The following KAZN variants were observed in gnomAD, a reference collection of about 807,000 sequenced individuals.
KAZN encodes kazrin.
A neutral mutation model predicts 87.4 loss-of-function variants in KAZN; 40 were observed. The observed-to-expected ratio is 0.46, with a 90% CI of 0.36 to 0.60. The LOEUF (loss-of-function observed/expected upper bound fraction) is 0.60. Ranked by LOEUF, KAZN falls within the 20% of genes least tolerant of loss-of-function variation. KAZN has a pLI of 0.00. For synonymous variants in KAZN, 466 were observed against 458.3 expected, an observed-to-expected ratio of 1.02 and a Z score of -0.22; for missense variants, 898 against 1,073.9, an observed-to-expected ratio of 0.84 and a Z score of 2.29.
intron 1 of KAZN, among the ~76,000 whole-genome samples, chr1:14,824,922 G>GTTCCCCCA (rs1646840608): frequency 6.6e-6 from 1 of 152,206 alleles, no homozygotes; most frequent in African/African-American, 2.4e-5. Flanking sequence ...GGCCTCTTGG[G>GTTCCCCCA]GGAAGACTCT....
At chr1:14,061,846 G>A (rs1467214746) in intron 1 of KAZN, among the ~76,000 whole-genome samples, 1 of 152,000 alleles carries the variant, frequency 6.6e-6, no homozygotes, top group African/African-American at 2.4e-5. Flanking sequence ...TGAGAGTTGC[G>A]GACACAAAAA....
intron 2 of KAZN, among the ~76,000 whole-genome samples, chr1:14,292,199 T>C (rs959969996): frequency 6.6e-6 from 1 of 152,246 alleles, no homozygotes; most frequent in Non-Finnish European, 1.5e-5. Flanking sequence ...TGCTCTGTGC[T>C]GTCATGTCAC....
At chr1:14,319,502 A>AG (rs143353121) in intron 2 of KAZN, among the ~76,000 whole-genome samples, 3,710 of 152,210 alleles carry the variant, frequency 0.024, 158 homozygotes, top group African/African-American at 0.085. Flanking sequence ...AAGTAGAGGG[A>AG]GGGGGGCTCT....
At chr1:14,214,865 G>C (rs1055373505) in intron 2 of KAZN, among the ~76,000 whole-genome samples, 2 of 152,232 alleles carry the variant, frequency 1.3e-5, no homozygotes, top group African/African-American at 4.8e-5. Context: ...AAGGAATGCA[G>C]AGTAGAAGAC....
At chr1:14,074,183 C>T (rs1431678368) in intron 1 of KAZN, among the ~76,000 whole-genome samples, 14 of 152,156 alleles carry the variant, frequency 9.2e-5, no homozygotes, top group Non-Finnish European at 1.9e-4. Context: ...CCCCCTACCT[C>T]ACAAATGCAC....
At chr1:14,541,214 C>T (rs1672790146) in intron 2 of KAZN, among the ~76,000 whole-genome samples, 1 of 152,170 alleles carries the variant, frequency 6.6e-6, no homozygotes, top group South Asian at 2.1e-4. Context: ...GCTTCAACTT[C>T]CCCCAAGGAC....
At chr1:14,389,435 A>T (rs1662231145) in intron 2 of KAZN, among the ~76,000 whole-genome samples, 1 of 152,120 alleles carries the variant, frequency 6.6e-6, no homozygotes, top group African/African-American at 2.4e-5. Flanking sequence ...CACAATAGTC[A>T]AGGTTTGGAG....
intron 10 of KAZN, among the ~76,000 whole-genome samples, chr1:15,100,289 T>C (rs1300779468): frequency 6.6e-6 from 1 of 152,066 alleles, no homozygotes; most frequent in Non-Finnish European, 1.5e-5. Flanking sequence ...TATCCGGGCA[T>C]GAAGGCAGGA....
Position 14,025,248 on chromosome 1 carries a change from A to G in KAZN, c.91+131492A>G, listed in dbSNP as rs1307769693. The stretch of plus-strand genomic sequence containing the variant: ...GAGTCTTACTGTTCCTCTGAAGACC[A>G]TCCCTTCTCATTGGTCAAGTGCCAA... On this transcript the variant is annotated intron_variant, in intron 1 of 16. Transcript: ENST00000636203. Among the ~76,000 whole-genome samples, 10 of 152,330 alleles carry G rather than the reference A, an allele frequency of 6.6e-5. No individual in the cohort carries two copies. In the East Asian group the frequency reaches 1.9e-3, roughly 29 times the overall value.
At chr1:14,425,108 G>A (rs1665648410) in intron 2 of KAZN, among the ~76,000 whole-genome samples, 1 of 152,180 alleles carries the variant, frequency 6.6e-6, no homozygotes, top group African/African-American at 2.4e-5. Flanking sequence ...AGGTTGGGAG[G>A]GGAGAGTGAT....
At chr1:14,438,197 G>A (rs1666509146) in intron 2 of KAZN, among the ~76,000 whole-genome samples, 5 of 151,836 alleles carry the variant, frequency 3.3e-5, no homozygotes, top group Admixed American at 2.6e-4. Context: ...GCACAGTCCT[G>A]TGGGTATAGG....
chr1:14,272,704 A>G (rs1271247614), intron 2 of KAZN, among the ~76,000 whole-genome samples: 1 of 151,846 alleles, frequency 6.6e-6, no homozygotes, highest in East Asian at 1.9e-4. Flanking sequence ...TAAAAATACA[A>G]AAAATTAGCT....
intron 1 of KAZN, among the ~76,000 whole-genome samples, chr1:14,920,258 G>C (rs1658344485): frequency 7.0e-6 from 1 of 143,674 alleles, no homozygotes; most frequent in African/African-American, 2.6e-5. Flanking sequence ...ACTTTTTTCT[G>C]TCTGCAGCCT....
intron 2 of KAZN, among the ~76,000 whole-genome samples, chr1:14,433,974 G>T (rs1666230770): frequency 6.6e-6 from 1 of 152,232 alleles, no homozygotes; most frequent in African/African-American, 2.4e-5. Flanking sequence ...TGCAAACCAG[G>T]AAGGGGGATC....
intron 1 of KAZN, among the ~76,000 whole-genome samples, chr1:14,745,268 A>G (rs2100456388): frequency 6.6e-6 from 1 of 152,156 alleles, no homozygotes; most frequent in South Asian, 2.1e-4. Context: ...AAAGGAAAAA[A>G]AAAAAAAAAA....
At chr1:13,993,661 T>C (rs1018416283) in intron 1 of KAZN, among the ~76,000 whole-genome samples, 6 of 152,200 alleles carry the variant, frequency 3.9e-5, no homozygotes, top group Non-Finnish European at 5.9e-5. Context: ...GCTTTCCCTC[T>C]TGTTGGGCTA....
At chr1:14,993,455 G>A (rs886998283) in intron 2 of KAZN, among the ~76,000 whole-genome samples, 2 of 151,488 alleles carry the variant, frequency 1.3e-5, no homozygotes, top group African/African-American at 4.9e-5. Flanking sequence ...GGCAACAAGA[G>A]CAAAACTCCA....
At chr1:14,894,941 A>G (rs1045679642) in intron 1 of KAZN, among the ~76,000 whole-genome samples, 1 of 152,346 alleles carries the variant, frequency 6.6e-6, no homozygotes, top group Non-Finnish European at 1.5e-5. Flanking sequence ...GCTGCCCCAG[A>G]GGCTTCTCTC....
In KAZN at chr1:14,905,059, C is replaced by T. The variant is rs192779363; in HGVS notation, c.227-55625C>T. Among the ~76,000 whole-genome samples the T allele has an allele frequency of 9.9e-5, 15 of 151,708 alleles. No homozygotes were observed. In the East Asian group the frequency reaches 2.9e-3, roughly 30 times the overall value. On this transcript the variant is annotated intron_variant, in intron 1 of 14. Coordinates refer to ENST00000376030, the MANE Select transcript of KAZN (RefSeq NM_201628.3). Reference sequence around the variant, plus strand: ...TACAGGCGTGAGCCACCATGCCCAGCCTTGTTTTTGTTTTTTTGAGACAGA... The same window carrying T: ...TACAGGCGTGAGCCACCATGCCCAGTCTTGTTTTTGTTTTTTTGAGACAGA...
Sources: gnomAD v4.1 joint callset for allele counts (sites outside exome capture counted in the v4.1 genomes callset) on GRCh38, gnomAD v4.1.1 for gene constraint, MANE v1.5 for transcripts, NCBI Gene and HGNC (gene_info 2026-07-23, HGNC 2026-07-21) for gene names.